SLC45A4: variants seen among roughly 807,000 people sequenced by gnomAD.
The protein encoded by SLC45A4 is polyamine-transporter SLC45A4.
In SLC45A4, 32 loss-of-function variants were observed where a neutral mutation model predicts 63.7. The ratio of observed to expected loss-of-function variants is 0.50; its 90% CI spans 0.38 to 0.67. The LOEUF (loss-of-function observed/expected upper bound fraction) is 0.67. Ranked by LOEUF, SLC45A4 falls within the 30% of genes least tolerant of loss-of-function variation. The pLI, the probability that SLC45A4 is intolerant of heterozygous loss-of-function variation, is 0.00. For missense variants in SLC45A4, 1,027 were observed against 1,157.7 expected, an observed-to-expected ratio of 0.89 and a Z score of 1.64; for synonymous variants, 535 against 510.0, an observed-to-expected ratio of 1.05 and a Z score of -0.66.
chr8:141,219,100 C>T (rs1317378954), intron 4 of SLC45A4, 71 bp from the exon 5 acceptor site: 3 of 1,535,958 alleles, frequency 2.0e-6, no homozygotes, highest in Non-Finnish European at 2.6e-6. Flanking sequence ...CTGGGAGGGC[C>T]TCTCCCTCTA....
intron 8 of SLC45A4, chr8:141,211,986 A>G: frequency 7.7e-7 from 1 of 1,294,424 alleles, no homozygotes; most frequent in Non-Finnish European, 9.8e-7. Flanking sequence ...AAAAGTGGTT[A>G]GTGTGGTATT....
intron 2 of SLC45A4, among the ~76,000 whole-genome samples, chr8:141,251,930 A>G (rs2154614650): frequency 6.7e-6 from 1 of 149,274 alleles, no homozygotes; most frequent in Admixed American, 6.8e-5. Context: ...AATCAAAGAA[A>G]ATGCTACGAT....
intron 2 of SLC45A4, among the ~76,000 whole-genome samples, chr8:141,251,263 T>C (rs1156490282): frequency 2.0e-5 from 3 of 152,116 alleles, no homozygotes; most frequent in Non-Finnish European, 2.9e-5. Flanking sequence ...AACTTCCCCC[T>C]GGCTAAGGTC....
intron 2 of SLC45A4, chr8:141,225,537 C>T (rs1298959019): frequency 6.5e-6 from 1 of 153,722 alleles, no homozygotes; most frequent in Non-Finnish European, 1.4e-5. Context: ...TGGGGAGGAC[C>T]TGCAGGTGCG....
intron 1 of SLC45A4, among the ~76,000 whole-genome samples, chr8:141,281,153 A>T (rs1237831029): frequency 6.6e-6 from 1 of 152,142 alleles, no homozygotes; most frequent in Non-Finnish European, 1.5e-5. Context: ...AGCCTGGCCA[A>T]CATAGTGAAA....
Position 141,219,846 on chromosome 8 carries a change from G to A in SLC45A4, c.431-17C>T. The A allele has an allele frequency of 6.4e-7, 1 of 1,553,930 alleles. No homozygotes were observed. Among genetic ancestry groups the A allele is most frequent in the Non-Finnish European group, 8.7e-7 (1 of 1,149,634 alleles). On this transcript the variant is annotated splice_polypyrimidine_tract_variant and intron_variant, in intron 3 of 8. Coordinates refer to ENST00000517878, the MANE Select transcript of SLC45A4 (RefSeq NM_001286646.2). ...GGGCCAGACCTGCGCAGAGCACACGGGAGGGCGGTCAGGTCCTCAAGCACT... is the reference window on the plus strand; with the variant it reads ...GGGCCAGACCTGCGCAGAGCACACGAGAGGGCGGTCAGGTCCTCAAGCACT...
chr8:141,231,096 G>C (rs1827324545), intron 2 of SLC45A4, among the ~76,000 whole-genome samples: 3 of 152,230 alleles, frequency 2.0e-5, no homozygotes. Context: ...ACTAGTGTGG[G>C]AGAAGCCACA....
At chr8:141,237,440 T>C (rs4437700) in intron 2 of SLC45A4, among the ~76,000 whole-genome samples, 2 of 152,046 alleles carry the variant, frequency 1.3e-5, no homozygotes, top group African/African-American at 4.8e-5. Context: ...CCCTTGCAAC[T>C]TGGGGGCACT....
chr8:141,266,277 CA>C (rs1217846888), intron 1 of SLC45A4, among the ~76,000 whole-genome samples: 4 of 152,192 alleles, frequency 2.6e-5, no homozygotes, highest in Admixed American at 2.0e-4. Flanking sequence ...GGCCTGACAC[CA>C]TGGGCTGCAG....
chr8:141,302,905 A>G (rs971780016), intron 1 of SLC45A4, among the ~76,000 whole-genome samples: 6 of 151,638 alleles, frequency 4.0e-5, no homozygotes, highest in African/African-American at 1.5e-4. Context: ...GAATAAATGT[A>G]TTTCCCTAAA....
chr8:141,279,830 C>T (rs948377075), intron 1 of SLC45A4, among the ~76,000 whole-genome samples: 1 of 152,248 alleles, frequency 6.6e-6, no homozygotes, highest in Admixed American at 6.5e-5. Context: ...GTAAACAGTG[C>T]CTCAGTTTAT....
At chr8:141,255,793 G>C (rs1209236686) in intron 1 of SLC45A4, among the ~76,000 whole-genome samples, 1 of 152,154 alleles carries the variant, frequency 6.6e-6, no homozygotes, top group Non-Finnish European at 1.5e-5. Context: ...TGGGTGGAAT[G>C]AGCATAGCAT....
chr8:141,233,593 A>G (rs1204743531), intron 2 of SLC45A4, among the ~76,000 whole-genome samples: 1 of 152,220 alleles, frequency 6.6e-6, no homozygotes, highest in Non-Finnish European at 1.5e-5. Context: ...AGGCTGAGGC[A>G]CAAGCATTGC....
chr8:141,219,080 G>T lies in SLC45A4; in HGVS notation c.611-51C>A, dbSNP rs564200580. On this transcript the variant is annotated intron_variant, in intron 4 of 8. Transcript: ENST00000517878. The stretch of plus-strand genomic sequence containing the variant: ...TGAGCCGGTGGCACCAGGCCACAGG[G>T]GGGGAAGCTCTGGGAGGGCCTCTCC... The T allele has an allele frequency of 8.9e-6, 14 of 1,567,152 alleles. 1 individual carries two copies. In the South Asian group the frequency reaches 9.5e-5, roughly 11 times the overall value.
At chr8:141,267,276 C>T (rs1449028103) in intron 1 of SLC45A4, among the ~76,000 whole-genome samples, 1 of 152,274 alleles carries the variant, frequency 6.6e-6, no homozygotes, top group African/African-American at 2.4e-5. Flanking sequence ...GGCAGACCAC[C>T]TGCTGCCGTG....
At chr8:141,239,164 G>A (rs1158573500) in intron 2 of SLC45A4, among the ~76,000 whole-genome samples, 2 of 152,156 alleles carry the variant, frequency 1.3e-5, no homozygotes, top group African/African-American at 2.4e-5. Flanking sequence ...ACGTGACTGC[G>A]GCAAACATGC....
chr8:141,253,656 T>C (rs1014678871), intron 2 of SLC45A4, among the ~76,000 whole-genome samples: 1 of 152,310 alleles, frequency 6.6e-6, no homozygotes, highest in African/African-American at 2.4e-5. Context: ...CTTTGCCTCG[T>C]TGTTCACTGT....
chr8:141,216,064 C>T, intron 6 of SLC45A4, 94 bp from the exon 7 acceptor site: 7 of 1,135,104 alleles, frequency 6.2e-6, no homozygotes, highest in Non-Finnish European at 8.9e-6. Flanking sequence ...CCCACATCCC[C>T]CCGACCTCCA....
chr8:141,286,998 A>T (rs1439987258), intron 1 of SLC45A4, among the ~76,000 whole-genome samples: 1 of 152,070 alleles, frequency 6.6e-6, no homozygotes, highest in Non-Finnish European at 1.5e-5. Context: ...CCAAATCCTA[A>T]GACTATCAGA....
Sources: allele counts gnomAD v4.1 joint callset (sites outside exome capture counted in the v4.1 genomes callset), GRCh38; gene constraint gnomAD v4.1.1; transcripts MANE v1.5; gene names NCBI Gene and HGNC (gene_info 2026-07-23, HGNC 2026-07-21).